FBXL2: variants seen among roughly 807,000 people sequenced by gnomAD.
FBXL2 encodes the protein F-box and leucine rich repeat protein 2.
A neutral mutation model predicts 69.2 loss-of-function variants in FBXL2; 38 were observed. The ratio of observed to expected loss-of-function variants is 0.55; its 90% CI spans 0.42 to 0.72. The LOEUF (loss-of-function observed/expected upper bound fraction) is 0.72, where lower values mean the gene tolerates loss of function less well. Among genes scored for constraint, FBXL2 ranks in the 30% least tolerant of loss-of-function variants. The probability of loss-of-function intolerance (pLI) is 0.00; values close to 1 mark genes in which losing one functional copy is unlikely to be tolerated. For missense variants in FBXL2, 354 were observed against 520.3 expected, an observed-to-expected ratio of 0.68 and a Z score of 3.11; for synonymous variants, 192 against 201.3, an observed-to-expected ratio of 0.95 and a Z score of 0.39.
At chr3:33,409,783 C>G in the FBXL2 span, among the ~76,000 whole-genome samples, 4 of 152,224 alleles carry the variant, frequency 2.6e-5, no homozygotes, top group South Asian at 8.3e-4. Context: ...TTCCCTCTCA[C>G]AAATCCAACT....
intron 2 of FBXL2, among the ~76,000 whole-genome samples, chr3:33,332,924 A>G (rs1313502537): frequency 1.3e-5 from 2 of 152,242 alleles, no homozygotes; most frequent in Non-Finnish European, 2.9e-5. Flanking sequence ...TAAAAAGGAA[A>G]GGACTACGGA....
downstream of FBXL2, chr3:33,390,659 A>G (rs1402471913): frequency 1.5e-5 from 7 of 453,830 alleles, no homozygotes; most frequent in East Asian, 2.4e-4. Flanking sequence ...ACACACAATA[A>G]TAGTGCTGTC....
At chr3:33,326,729 C>T (rs1303829406) in intron 2 of FBXL2, among the ~76,000 whole-genome samples, 2 of 152,080 alleles carry the variant, frequency 1.3e-5, no homozygotes, top group African/African-American at 4.8e-5. Flanking sequence ...AAATTATCTT[C>T]CATATCCAAA....
the FBXL2 span, chr3:33,412,684 T>C: frequency 7.7e-7 from 1 of 1,299,960 alleles, no homozygotes. Flanking sequence ...AGCTAAACAA[T>C]ACCCTCATCT....
intron 4 of FBXL2, among the ~76,000 whole-genome samples, chr3:33,360,918 C>CAT: frequency 1.8e-5 from 1 of 57,128 alleles, no homozygotes; most frequent in African/African-American, 5.6e-5. Flanking sequence ...ACATGAAGAA[C>CAT]TTTTTTTTTT....
intron 13 of FBXL2, among the ~76,000 whole-genome samples, chr3:33,379,613 C>G (rs921514495): frequency 2.0e-5 from 3 of 151,550 alleles, no homozygotes; most frequent in African/African-American, 4.8e-5. Flanking sequence ...CCTCGGCCTC[C>G]CAAAACAACT....
Position 33,375,323 on chromosome 3 carries a change from G to A in FBXL2, c.693G>A (p.Arg231=), listed in dbSNP as rs758523778. The A allele has an allele frequency of 5.0e-6, 8 of 1,614,014 alleles. No individual in the cohort carries two copies. The African/African-American group carries it at 1.1e-4, about 22-fold the overall frequency. The change falls in exon 10 of 15, where the codon AGG becomes AGA. Residue 231 remains arginine, a synonymous_variant. Coordinates refer to ENST00000484457, the MANE Select transcript of FBXL2 (RefSeq NM_012157.5). ...ITDEGVVQIC[R]GCHRLQALCL... is the part of the protein sequence containing the mutation. ...ATGAAGGTGTGGTGCAGATATGCAG[G>A]GGCTGTCACCGGCTACAGGCTCTCT...
intron 8 of FBXL2, 60 bp from the exon 9 acceptor site, chr3:33,373,787 G>C (rs1240512933): frequency 4.3e-6 from 7 of 1,613,528 alleles, no homozygotes; most frequent in Non-Finnish European, 5.9e-6. Context: ...CATTTTTCTT[G>C]GTGTCCCACT....
At position 33,297,101 on chromosome 3, in the gene FBXL2, G is replaced by A. The variant is rs573383471; in HGVS notation, c.4-563G>A. On this transcript the variant is annotated intron_variant, in intron 1 of 14. Transcript: ENST00000484457. Reference sequence around the variant, plus strand: ...TATTGTATAAGTTTTCAATATGGAAGTCTTATTCTTCCTTTGTTAAGTTTA... The same window carrying A: ...TATTGTATAAGTTTTCAATATGGAAATCTTATTCTTCCTTTGTTAAGTTTA... Among the ~76,000 whole-genome samples the A allele has an allele frequency of 6.6e-5, 10 of 152,208 alleles. No individual in the cohort carries two copies. The South Asian group carries it at 2.1e-3, about 32-fold the overall frequency.
In FBXL2 at chr3:33,327,023, G is replaced by C. The variant is rs75213846; in HGVS notation, c.65+29298G>C. ...GGTCCCCAGAATTTTCTAAAGTCCT[G>C]TTAAGATTCTGCCTCCAGCTTGAGA... On this transcript the variant is annotated intron_variant, in intron 2 of 14. Transcript: ENST00000484457. Among the ~76,000 whole-genome samples, 276 of 152,262 alleles carry C rather than the reference G, an allele frequency of 1.8e-3. 9 individuals are homozygous for C. The East Asian group carries it at 0.049, about 27-fold the overall frequency.
intron 2 of FBXL2, among the ~76,000 whole-genome samples, chr3:33,302,914 G>T (rs975151392): frequency 1.3e-5 from 2 of 151,712 alleles, no homozygotes; most frequent in African/African-American, 2.4e-5. Context: ...TCTTAAATTT[G>T]TAAGCCAATC....
the FBXL2 span, among the ~76,000 whole-genome samples, chr3:33,413,788 C>G: frequency 2.0e-5 from 3 of 152,108 alleles, no homozygotes; most frequent in East Asian, 5.8e-4. Context: ...GCACCCACAC[C>G]TGCAGGGCCT....
rs184744079 is a variant in FBXL2 at position 33,285,659 on chromosome 3, G to A, written c.3+8144G>A. On this transcript the variant is annotated intron_variant, in intron 1 of 14. Coordinates refer to ENST00000484457, the MANE Select transcript of FBXL2 (RefSeq NM_012157.5). ...GTTTTCCAACTTGGTCCCATTCTCC[G>A]CATCACTTTCAGGTACACCAATCAG... 4.4e-3 allele frequency among the ~76,000 whole-genome samples: 674 copies of A among 152,208 alleles called. 2 individuals are homozygous for A. Among genetic ancestry groups the A allele is most frequent in the South Asian group, 6.4e-3 (31 of 4,812 alleles).
At chr3:33,324,187 A>G (rs922678782) in intron 2 of FBXL2, among the ~76,000 whole-genome samples, 6 of 151,742 alleles carry the variant, frequency 4.0e-5, no homozygotes, top group Non-Finnish European at 8.8e-5. Flanking sequence ...AGTTCCTTGT[A>G]GATTCTGGAT....
At chr3:33,390,410 G>C, downstream of FBXL2, 2 of 1,610,444 alleles carry the variant, frequency 1.2e-6, no homozygotes, top group South Asian at 1.1e-5. Context: ...GTCAGGCTTA[G>C]GAAATTAAGC....
intron 4 of FBXL2, among the ~76,000 whole-genome samples, 200 bp downstream of exon 4, chr3:33,359,557 T>C (rs560151162): frequency 6.6e-6 from 1 of 152,296 alleles, no homozygotes; most frequent in East Asian, 1.9e-4. Context: ...AACAGATTTT[T>C]TTCCCTTGTT....
downstream of FBXL2, chr3:33,389,531 A>T (rs1489095995): frequency 6.6e-6 from 1 of 152,154 alleles, no homozygotes; most frequent in South Asian, 2.1e-4. Flanking sequence ...AAAATGAGAG[A>T]AAAACCACGA....
chr3:33,300,927 TCTC>T (rs2036232092), intron 2 of FBXL2, among the ~76,000 whole-genome samples: 1 of 151,824 alleles, frequency 6.6e-6, no homozygotes, highest in Admixed American at 6.6e-5. Flanking sequence ...GTGGTCTCGA[TCTC>T]CTGACCTTGT....
intron 5 of FBXL2, among the ~76,000 whole-genome samples, chr3:33,365,878 C>T (rs1307032366): frequency 1.3e-5 from 2 of 152,126 alleles, no homozygotes; most frequent in Non-Finnish European, 2.9e-5. Flanking sequence ...CCCCCCATAA[C>T]CTTGGAATAC....
Sources: allele counts gnomAD v4.1 joint callset (sites outside exome capture counted in the v4.1 genomes callset), GRCh38; gene constraint gnomAD v4.1.1; transcripts MANE v1.5; gene names NCBI Gene and HGNC (gene_info 2026-07-23, HGNC 2026-07-21).